The following MEGF11 variants were observed in gnomAD, a reference collection of about 807,000 sequenced individuals.
The protein encoded by MEGF11 is multiple EGF like domains 11, also known as multiple epidermal growth factor-like domains protein 11.
Under a neutral mutation model 146.6 loss-of-function variants are expected in MEGF11, and 126 were observed. That is an observed-to-expected ratio of 0.86 (90% CI 0.74 to 1.00). The LOEUF (loss-of-function observed/expected upper bound fraction) is 1.00. Among genes scored for constraint, MEGF11 ranks in the 50% least tolerant of loss-of-function variants. The probability of loss-of-function intolerance (pLI) is 0.00; values close to 1 mark genes in which losing one functional copy is unlikely to be tolerated. For missense variants in MEGF11, 1,509 were observed against 1,521.2 expected (o/e 0.99, Z 0.13); for synonymous variants, 532 against 583.4 (o/e 0.91, Z 1.27).
At chr15:66,041,628 C>T (rs1211097470) in intron 5 of MEGF11, among the ~76,000 whole-genome samples, 2 of 152,310 alleles carry the variant, frequency 1.3e-5, no homozygotes, top group African/African-American at 4.8e-5. Flanking sequence ...TGTATGCTAC[C>T]TGTGTCTGCT....
chr15:66,119,391 C>T lies in MEGF11; in HGVS notation c.201-205G>A, dbSNP rs528610105. On this transcript the variant is annotated intron_variant, in intron 3 of 25. Transcript: ENST00000395614. ...TGCAGAATGTATTACTAACATGGCA[C>T]TTACTAAACCTGCTGACTTTTCCCC... 2.0e-5 allele frequency among the ~76,000 whole-genome samples: 3 copies of T among 152,346 alleles called. No individual in the cohort carries two copies. The South Asian group carries it at 6.2e-4, about 32-fold the overall frequency.
chr15:66,051,746 G>A (rs565503544), intron 5 of MEGF11, among the ~76,000 whole-genome samples: 1 of 152,304 alleles, frequency 6.6e-6, no homozygotes, highest in East Asian at 1.9e-4. Flanking sequence ...AGAACTCAGA[G>A]GGGAGGGAGG....
rs375887281 is a variant in MEGF11 at position 66,186,304 on chromosome 15, G to A, written c.-8-57893C>T. On this transcript the variant is annotated intron_variant, in intron 1 of 25. Transcript: ENST00000395614. The stretch of plus-strand genomic sequence containing the variant: ...GTTTTTGGAAGAAGAGCAGTTTTTG[G>A]AGCTGGGCAGCCAGCAGTGGTCTGT... Among the ~76,000 whole-genome samples the A allele has an allele frequency of 7.9e-5, 12 of 152,252 alleles. No individual in the cohort carries two copies. The East Asian group carries it at 1.2e-3, about 15-fold the overall frequency.
intron 1 of MEGF11, among the ~76,000 whole-genome samples, chr15:66,202,840 G>A (rs1184165428): frequency 1.3e-5 from 2 of 152,190 alleles, no homozygotes; most frequent in East Asian, 1.9e-4. Context: ...ATTTGGCACC[G>A]AGGCAGCATG....
At chr15:66,222,105 T>C in intron 1 of MEGF11, among the ~76,000 whole-genome samples, 1 of 152,166 alleles carries the variant, frequency 6.6e-6, no homozygotes, top group Non-Finnish European at 1.5e-5. Context: ...ACCCACCCGG[T>C]ACCACAGCAG....
chr15:66,211,578 G>C (rs995627109), intron 1 of MEGF11, among the ~76,000 whole-genome samples: 6 of 151,054 alleles, frequency 4.0e-5, no homozygotes, highest in African/African-American at 1.5e-4. Flanking sequence ...CAAGGAAGCC[G>C]AGGGTCTCTC....
rs957296855 is a variant in MEGF11 at position 65,970,621 on chromosome 15, G to T, written c.831C>A (p.Cys277Ter). ...CGTGGTCACACTGCCCTCCATGGTG[G>T]CAAGGACAATCCTGGCTGCAGTTCT... ...FGQNCSQDCP[C>*]HHGGQCDHVT... is the part of the protein sequence containing the mutation. Residue 277 changes from cysteine to a stop codon, truncating the protein, a stop_gained, in exon 8 of 26, where the codon TGC becomes TGA. Transcript: ENST00000395614. LOFTEE classifies it high-confidence loss of function. The T allele has an allele frequency of 1.2e-6, 2 of 1,613,662 alleles. No homozygotes were observed. Among genetic ancestry groups the T allele is most frequent in the African/African-American group, 1.3e-5 (1 of 74,948 alleles).
intron 1 of MEGF11, among the ~76,000 whole-genome samples, chr15:66,202,315 T>C (rs377098333): frequency 1.3e-5 from 2 of 152,206 alleles, no homozygotes; most frequent in South Asian, 2.1e-4. Flanking sequence ...TGGCAGCCCA[T>C]TTGAACCCCT....
In MEGF11 at chr15:65,977,477, CTT is replaced by C. The variant is rs1180788795; in HGVS notation, c.762+3299_762+3300del. ...CCTCGGCCCCAAAAACTCTCTCCCT[CTT>C]TTTTTTTTTTTTTTTTTTGAGATGG... On this transcript the variant is annotated intron_variant, in intron 7 of 25. Coordinates refer to ENST00000395614, the MANE Select transcript of MEGF11 (RefSeq NM_001385028.1). Among the ~76,000 whole-genome samples the C allele has an allele frequency of 7.1e-4, 92 of 130,352 alleles. 1 individual carries two copies. Among genetic ancestry groups the C allele is most frequent in the African/African-American group, 2.3e-3 (81 of 35,104 alleles). The allele number at this position is 130,352 out of a possible 152,430, so 85.5% of individuals were successfully genotyped here.
chr15:65,977,741 C>T (rs2081499969), intron 7 of MEGF11, among the ~76,000 whole-genome samples: 1 of 152,064 alleles, frequency 6.6e-6, no homozygotes, highest in Non-Finnish European at 1.5e-5. Context: ...CCTCAGCCTC[C>T]TCTCTTCCAG....
At chr15:65,944,432 G>A (rs559467517) in intron 10 of MEGF11, among the ~76,000 whole-genome samples, 6 of 152,194 alleles carry the variant, frequency 3.9e-5, no homozygotes, top group Non-Finnish European at 8.8e-5. Context: ...ACAAAGGCGT[G>A]GCAGTGGGGC....
At chr15:65,910,400 A>C (rs965517042) in intron 21 of MEGF11, among the ~76,000 whole-genome samples, 2 of 152,094 alleles carry the variant, frequency 1.3e-5, no homozygotes, top group African/African-American at 4.8e-5. Flanking sequence ...CTGAGTCCTG[A>C]CTTGCGTGCC....
intron 5 of MEGF11, among the ~76,000 whole-genome samples, chr15:66,066,993 A>G (rs1045437756): frequency 1.3e-5 from 2 of 152,200 alleles, no homozygotes; most frequent in Non-Finnish European, 2.9e-5. Flanking sequence ...GCCTGCGCCC[A>G]GCTGCACCAC....
At chr15:66,097,752 CAA>C (rs59635353) in intron 4 of MEGF11, among the ~76,000 whole-genome samples, 74,163 of 138,944 alleles carry the variant, frequency 0.53, 20,620 homozygotes, top group Non-Finnish European at 0.63. Context: ...CAAAAAACTA[CAA>C]AAAAAAAAAA....
At chr15:66,251,933 G>A (rs1482941698) in intron 1 of MEGF11, among the ~76,000 whole-genome samples, 1 of 152,244 alleles carries the variant, frequency 6.6e-6, no homozygotes, top group Admixed American at 6.5e-5. Context: ...AGCAGAGGAT[G>A]CTCAACGTCT....
At chr15:65,969,913 C>A (rs1197071475) in intron 8 of MEGF11, among the ~76,000 whole-genome samples, 3 of 152,122 alleles carry the variant, frequency 2.0e-5, no homozygotes, top group Admixed American at 6.5e-5. Context: ...AGCTTCCAAT[C>A]TACTCACCAT....
At chr15:66,139,697 A>G (rs1265576736) in intron 1 of MEGF11, among the ~76,000 whole-genome samples, 1 of 152,074 alleles carries the variant, frequency 6.6e-6, no homozygotes, top group Non-Finnish European at 1.5e-5. Context: ...CTGTGCTTCC[A>G]TTAAGAGAAT....
intron 1 of MEGF11, among the ~76,000 whole-genome samples, chr15:66,148,030 G>C (rs570577972): frequency 6.6e-6 from 1 of 152,284 alleles, no homozygotes; most frequent in East Asian, 1.9e-4. Flanking sequence ...GGACTGCCAG[G>C]AGGTACCGGA....
chr15:66,109,378 G>A (rs557116076), intron 4 of MEGF11, among the ~76,000 whole-genome samples: 3 of 152,102 alleles, frequency 2.0e-5, no homozygotes, highest in Non-Finnish European at 2.9e-5. Context: ...CCCACGTCTC[G>A]CCTTTGCTCA....
Sources: gnomAD v4.1 joint callset for allele counts (sites outside exome capture counted in the v4.1 genomes callset) on GRCh38, gnomAD v4.1.1 for gene constraint, MANE v1.5 for transcripts, NCBI Gene and HGNC (gene_info 2026-07-23, HGNC 2026-07-21) for gene names.